The following EVI5 variants were observed in gnomAD, a reference collection of about 807,000 sequenced individuals.
EVI5 encodes the protein ecotropic viral integration site 5 protein homolog.
In EVI5, 73 loss-of-function variants were observed where a neutral mutation model predicts 112.0. That is an observed-to-expected ratio of 0.65 (90% CI 0.54 to 0.79). The LOEUF (loss-of-function observed/expected upper bound fraction) is 0.79, where lower values mean the gene tolerates loss of function less well. Ranked by LOEUF, EVI5 falls within the 30% of genes least tolerant of loss-of-function variation. EVI5 has a pLI of 0.00. For missense variants in EVI5, 900 were observed against 968.8 expected, an observed-to-expected ratio of 0.93 and a Z score of 0.94; for synonymous variants, 305 against 319.9, an observed-to-expected ratio of 0.95 and a Z score of 0.50.
chr1:92,604,054 T>TA (rs1307632261), intron 18 of EVI5, among the ~76,000 whole-genome samples: 5 of 150,988 alleles, frequency 3.3e-5, no homozygotes, highest in South Asian at 2.1e-4. Context: ...TTTTTTAAGT[T>TA]AAAAAAAAAT....
At chr1:92,521,158 C>T (rs1009552152) in intron 19 of EVI5, among the ~76,000 whole-genome samples, 6 of 151,848 alleles carry the variant, frequency 4.0e-5, no homozygotes, top group Non-Finnish European at 7.4e-5. Flanking sequence ...GACGGAGTTT[C>T]GCTATGTTGC....
chr1:92,590,116 C>T (rs1294272432), intron 18 of EVI5, among the ~76,000 whole-genome samples: 1 of 151,940 alleles, frequency 6.6e-6, no homozygotes, highest in Non-Finnish European at 1.5e-5. Context: ...CCCATCTGTA[C>T]GTCACCATCA....
At chr1:92,679,539 A>G (rs1280832441) in intron 9 of EVI5, among the ~76,000 whole-genome samples, 1 of 152,236 alleles carries the variant, frequency 6.6e-6, no homozygotes. Context: ...CTTAATTTAA[A>G]AAAAAATATT....
At chr1:92,611,612 T>C (rs1571879051) in intron 16 of EVI5, among the ~76,000 whole-genome samples, 1 of 141,842 alleles carries the variant, frequency 7.1e-6, no homozygotes, top group Admixed American at 7.4e-5. Flanking sequence ...GGCAGGAGAA[T>C]GGCGTGAACC....
chr1:92,607,181 A>G (rs1043923883), intron 17 of EVI5, among the ~76,000 whole-genome samples: 1 of 152,174 alleles, frequency 6.6e-6, no homozygotes, highest in Non-Finnish European at 1.5e-5. Context: ...AACATGTATC[A>G]ATGTTATTAA....
intron 1 of EVI5, among the ~76,000 whole-genome samples, chr1:92,779,014 G>A (rs533969768): frequency 5.9e-5 from 9 of 151,854 alleles, no homozygotes; most frequent in Middle Eastern, 3.2e-3. Context: ...ATGTGCAGCC[G>A]AAGCTGAGAA....
At chr1:92,774,901 G>T (rs1481327279) in intron 1 of EVI5, among the ~76,000 whole-genome samples, 1 of 152,174 alleles carries the variant, frequency 6.6e-6, no homozygotes, top group South Asian at 2.1e-4. Context: ...TACCTAGTGA[G>T]AAATGAGATG....
At chr1:92,739,701 T>C (rs1156330644) in intron 1 of EVI5, among the ~76,000 whole-genome samples, 1 of 152,192 alleles carries the variant, frequency 6.6e-6, no homozygotes, top group Non-Finnish European at 1.5e-5. Flanking sequence ...CTTTATATTT[T>C]ATTAAAAGGA....
chr1:92,791,979 A>G (rs1374003650), intron 1 of EVI5, among the ~76,000 whole-genome samples: 1 of 152,268 alleles, frequency 6.6e-6, no homozygotes, highest in Non-Finnish European at 1.5e-5. Context: ...TGTGAAGCCC[A>G]TACAGACATG....
chr1:92,608,220 A>G (rs1159729656), intron 16 of EVI5, among the ~76,000 whole-genome samples: 1 of 152,188 alleles, frequency 6.6e-6, no homozygotes, highest in East Asian at 1.9e-4. Flanking sequence ...GCATACTGTC[A>G]ATATTAGAGA....
At chr1:92,585,147 CAGAAGGCTG>C (rs1672568145) in intron 18 of EVI5, among the ~76,000 whole-genome samples, 1 of 150,712 alleles carries the variant, frequency 6.6e-6, no homozygotes, top group Non-Finnish European at 1.5e-5. Flanking sequence ...TTGCTTGAAC[CAGAAGGCTG>C]AGGTTGCAGT....
At chr1:92,667,140 C>T (rs998079877) in intron 10 of EVI5, among the ~76,000 whole-genome samples, 1 of 152,116 alleles carries the variant, frequency 6.6e-6, no homozygotes, top group African/African-American at 2.4e-5. Flanking sequence ...TAAAAATTAG[C>T]TGGGCGTAGT....
rs1460590663 is a variant in EVI5, at chr1:92,703,446, A to G, written c.513T>C (p.Phe171=). ...GTCCAAGGCTATCTTTTTCCTTAAAAAAGTTGTGTTCAGGGTAAGTTCTAG... is the reference window on the plus strand; with the variant it reads ...GTCCAAGGCTATCTTTTTCCTTAAAGAAGTTGTGTTCAGGGTAAGTTCTAG... ...DIARTYPEHN[F]FKEKDSLGQE... is the part of the protein sequence containing the mutation. Residue 171 remains phenylalanine, a synonymous_variant, in exon 4 of 20, where the codon TTT becomes TTC. Transcript: ENST00000684568. The G allele has an allele frequency of 1.9e-6, 3 of 1,588,594 alleles. No homozygotes were observed. In the Admixed American group the frequency reaches 5.8e-5, roughly 31 times the overall value.
chr1:92,629,908 C>G (rs954550984), intron 14 of EVI5, among the ~76,000 whole-genome samples: 1 of 149,100 alleles, frequency 6.7e-6, no homozygotes, highest in Non-Finnish European at 1.5e-5. Flanking sequence ...TGAGTGAGAA[C>G]ATGTGGTGTT....
intron 13 of EVI5, among the ~76,000 whole-genome samples, chr1:92,653,564 T>C (rs1662512964): frequency 6.6e-6 from 1 of 152,192 alleles, no homozygotes; most frequent in Admixed American, 6.5e-5. Context: ...GCTGTAGGCA[T>C]AGCCATGGCT....
intron 2 of EVI5, among the ~76,000 whole-genome samples, chr1:92,710,217 A>T (rs115397014): frequency 0.024 from 3,616 of 151,914 alleles, 169 homozygotes; most frequent in African/African-American, 0.083. Flanking sequence ...GGTAGTGCAC[A>T]CCTATAGTCT....
chr1:92,683,760 A>G (rs1179991591), intron 9 of EVI5, among the ~76,000 whole-genome samples: 1 of 152,222 alleles, frequency 6.6e-6, no homozygotes, highest in Non-Finnish European at 1.5e-5. Context: ...TTCGTGACAC[A>G]TGCACAAGCT....
intron 14 of EVI5, among the ~76,000 whole-genome samples, chr1:92,630,419 T>G (rs1052151957): frequency 1.3e-5 from 2 of 152,238 alleles, no homozygotes; most frequent in African/African-American, 2.4e-5. Flanking sequence ...TGATGGCCAG[T>G]GATGATGAGC....
At chr1:92,564,004 C>A (rs1312718377) in intron 18 of EVI5, among the ~76,000 whole-genome samples, 1 of 152,094 alleles carries the variant, frequency 6.6e-6, no homozygotes, top group East Asian at 1.9e-4. Context: ...CTCACCGCAA[C>A]CTCTGCCTCC....
Sources: gnomAD v4.1 joint callset for allele counts (sites outside exome capture counted in the v4.1 genomes callset) on GRCh38, gnomAD v4.1.1 for gene constraint, MANE v1.5 for transcripts, NCBI Gene and HGNC (gene_info 2026-07-23, HGNC 2026-07-21) for gene names.